The following BTBD9 variants were observed in gnomAD, a reference collection of about 807,000 sequenced individuals.
The protein encoded by BTBD9 is BTB/POZ domain-containing protein 9.
Under a neutral mutation model 64.3 loss-of-function variants are expected in BTBD9, and 49 were observed. The ratio of observed to expected loss-of-function variants is 0.76; its 90% CI spans 0.61 to 0.97. BTBD9 has a LOEUF of 0.97. BTBD9 is among the 50% of genes least tolerant of loss of function. The probability of loss-of-function intolerance (pLI) is 0.00; values close to 1 mark genes in which losing one functional copy is unlikely to be tolerated. For synonymous variants in BTBD9, 260 were observed against 274.7 expected, an observed-to-expected ratio of 0.95 and a Z score of 0.53; for missense variants, 598 against 762.1, an observed-to-expected ratio of 0.78 and a Z score of 2.53.
At chr6:38,330,799 CAAGA>C (rs1459574206) in intron 7 of BTBD9, among the ~76,000 whole-genome samples, 2 of 151,908 alleles carry the variant, frequency 1.3e-5, no homozygotes, top group African/African-American at 2.4e-5. Flanking sequence ...ATAAAATAAG[CAAGA>C]AAGAATTTCA....
At chr6:38,245,525 A>G (rs1453596101) in intron 9 of BTBD9, among the ~76,000 whole-genome samples, 1 of 152,098 alleles carries the variant, frequency 6.6e-6, no homozygotes, top group Non-Finnish European at 1.5e-5. Flanking sequence ...ATGCAGAGGG[A>G]GTATGGAGAG....
intron 8 of BTBD9, among the ~76,000 whole-genome samples, chr6:38,264,359 G>T (rs1211678886): frequency 6.6e-6 from 1 of 152,158 alleles, no homozygotes; most frequent in Non-Finnish European, 1.5e-5. Flanking sequence ...AACAGAGAGA[G>T]ACTGGAGGTC....
intron 6 of BTBD9, among the ~76,000 whole-genome samples, chr6:38,360,963 A>C (rs1003502432): frequency 2.6e-5 from 4 of 152,166 alleles, no homozygotes; most frequent in African/African-American, 9.7e-5. Flanking sequence ...GCTTCCAATC[A>C]GTGTAAGGGA....
chr6:38,385,833 C>T (rs1197414878), intron 6 of BTBD9, among the ~76,000 whole-genome samples: 2 of 136,694 alleles, frequency 1.5e-5, no homozygotes, highest in Non-Finnish European at 3.0e-5. Flanking sequence ...CTCACTCTGT[C>T]ACCCAGGCTG....
At chr6:38,618,895 G>A (rs955995147) in intron 1 of BTBD9, among the ~76,000 whole-genome samples, 2 of 152,168 alleles carry the variant, frequency 1.3e-5, no homozygotes, top group Non-Finnish European at 2.9e-5. Context: ...GATAGCCGGA[G>A]AAAGGGACAA....
At chr6:38,579,309 G>C (rs1017722342) in intron 5 of BTBD9, among the ~76,000 whole-genome samples, 6 of 152,160 alleles carry the variant, frequency 3.9e-5, no homozygotes, top group African/African-American at 1.4e-4. Flanking sequence ...GGTTTGCAGG[G>C]CATCATCATC....
At chr6:38,525,432 AC>A (rs1276110140) in intron 6 of BTBD9, among the ~76,000 whole-genome samples, 1 of 152,198 alleles carries the variant, frequency 6.6e-6, no homozygotes, top group African/African-American at 2.4e-5. Context: ...ATGGACTAAA[AC>A]AGTTAATTGG....
chr6:38,626,763 G>A (rs1272399346), intron 1 of BTBD9, among the ~76,000 whole-genome samples: 1 of 152,174 alleles, frequency 6.6e-6, no homozygotes, highest in Non-Finnish European at 1.5e-5. Flanking sequence ...AAAACAAAAG[G>A]TGTGAGTGAT....
intron 9 of BTBD9, among the ~76,000 whole-genome samples, chr6:38,203,152 T>C (rs1762522323): frequency 6.6e-6 from 1 of 152,144 alleles, no homozygotes; most frequent in Non-Finnish European, 1.5e-5. Context: ...AGAATGCTAT[T>C]ATTAAAAAGA....
chr6:38,447,163 T>C (rs1026434720), intron 6 of BTBD9, among the ~76,000 whole-genome samples: 1 of 152,198 alleles, frequency 6.6e-6, no homozygotes, highest in Admixed American at 6.5e-5. Context: ...TCTGTAAATG[T>C]TGGCTAGTAC....
intron 8 of BTBD9, among the ~76,000 whole-genome samples, chr6:38,262,679 C>G (rs1422659716): frequency 1.3e-5 from 2 of 152,138 alleles, no homozygotes; most frequent in Non-Finnish European, 2.9e-5. Flanking sequence ...TCAATGCAAA[C>G]CCAGTGGACT....
intron 6 of BTBD9, among the ~76,000 whole-genome samples, chr6:38,356,357 T>A (rs894897970): frequency 1.3e-5 from 2 of 152,198 alleles, no homozygotes; most frequent in African/African-American, 4.8e-5. Context: ...GTATTGGACT[T>A]CCTCATCTTG....
chr6:38,281,256 A>G (rs914123249), intron 8 of BTBD9, among the ~76,000 whole-genome samples: 1 of 152,206 alleles, frequency 6.6e-6, no homozygotes, highest in African/African-American at 2.4e-5. Context: ...CAGCAGGAAG[A>G]AGAAAAAATA....
At chr6:38,339,284 T>C (rs147350296) in intron 7 of BTBD9, among the ~76,000 whole-genome samples, 229 of 152,302 alleles carry the variant, frequency 1.5e-3, no homozygotes, top group Non-Finnish European at 1.6e-3. Context: ...ATGAGGACCA[T>C]GCAGCTATAA....
chr6:38,186,353 A>G (rs1361497417), intron 10 of BTBD9, among the ~76,000 whole-genome samples: 3 of 152,234 alleles, frequency 2.0e-5, no homozygotes, highest in East Asian at 1.9e-4. Context: ...AATTAATAAT[A>G]ATGATGATTA....
chr6:38,501,268 C>T (rs1772183570), intron 6 of BTBD9, among the ~76,000 whole-genome samples: 1 of 152,104 alleles, frequency 6.6e-6, no homozygotes, highest in Admixed American at 6.6e-5. Context: ...TGAGTGCCAA[C>T]ATGATGAGCA....
intron 6 of BTBD9, among the ~76,000 whole-genome samples, chr6:38,446,682 T>C (rs1257108294): frequency 6.6e-6 from 1 of 152,212 alleles, no homozygotes. Context: ...GTTCACCTAA[T>C]CCTGGCAATA....
intron 8 of BTBD9, among the ~76,000 whole-genome samples, chr6:38,258,844 C>T (rs1764698097): frequency 6.6e-6 from 1 of 152,156 alleles, no homozygotes; most frequent in African/African-American, 2.4e-5. Context: ...GAGCTGAGAT[C>T]ATACCACTGC....
chr6:38,453,168 T>C (rs558306640), intron 6 of BTBD9, among the ~76,000 whole-genome samples: 2 of 152,284 alleles, frequency 1.3e-5, no homozygotes, highest in Middle Eastern at 3.4e-3. Flanking sequence ...CAGGGCTTCA[T>C]GTCTCATTAT....
Sources: allele counts gnomAD v4.1 joint callset (sites outside exome capture counted in the v4.1 genomes callset), GRCh38; gene constraint gnomAD v4.1.1; transcripts MANE v1.5; gene names NCBI Gene and HGNC (gene_info 2026-07-23, HGNC 2026-07-21).